CAST: variants seen among roughly 807,000 people sequenced by gnomAD.
CAST encodes the protein MIR583 host.
CAST carries 76 observed loss-of-function variants against 119.6 expected under a neutral mutation model. That is an observed-to-expected ratio of 0.64 (90% confidence interval 0.53 to 0.77). The LOEUF is 0.77. Ranked by LOEUF, CAST falls within the 30% of genes least tolerant of loss-of-function variation. The probability of loss-of-function intolerance (pLI) is 0.00; values close to 1 mark genes in which losing one functional copy is unlikely to be tolerated. For missense variants in CAST, 953 were observed against 946.5 expected, an observed-to-expected ratio of 1.01 and a Z score of -0.09; for synonymous variants, 319 against 331.6, an observed-to-expected ratio of 0.96 and a Z score of 0.41.
chr5:96,762,983 C>T, intron 25 of CAST: 1 of 606,020 alleles, frequency 1.7e-6, no homozygotes, highest in East Asian at 2.8e-5. Context: ...GACTAATCAC[C>T]TGTGCAATAC....
chr5:96,620,101 C>T (rs1672888833), intron 1 of CAST, among the ~76,000 whole-genome samples: 1 of 152,194 alleles, frequency 6.6e-6, no homozygotes, highest in African/African-American at 2.4e-5. Flanking sequence ...ATTACTGCTG[C>T]TGTTATGACC....
intron 24 of CAST, 24 bp from the exon 25 acceptor site, chr5:96,762,250 T>G (rs1448705406): frequency 6.7e-7 from 1 of 1,500,966 alleles, no homozygotes; most frequent in Non-Finnish European, 9.2e-7. Context: ...AACATGTTAC[T>G]AATAAAATTT....
the CAST span, among the ~76,000 whole-genome samples, chr5:96,039,617 T>C: frequency 6.6e-6 from 1 of 152,232 alleles, no homozygotes; most frequent in Non-Finnish European, 1.5e-5. Context: ...CAACACCATT[T>C]ATTAAACAGG....
chr5:96,589,604 G>T (rs367947014), intron 1 of CAST, among the ~76,000 whole-genome samples: 69 of 152,240 alleles, frequency 4.5e-4, no homozygotes, highest in African/African-American at 1.6e-3. Flanking sequence ...CATTGACAGA[G>T]AAACAGTAAT....
At chr5:96,725,600 A>T (rs1308178639) in intron 4 of CAST, among the ~76,000 whole-genome samples, 1 of 152,174 alleles carries the variant, frequency 6.6e-6, no homozygotes. Context: ...GGTCATCATT[A>T]TTATATTCAG....
the CAST span, among the ~76,000 whole-genome samples, chr5:96,249,676 C>T: frequency 3.3e-5 from 5 of 152,166 alleles, no homozygotes; most frequent in Non-Finnish European, 5.9e-5. Flanking sequence ...CTAGATTAAA[C>T]ACAATAAACA....
the CAST span, among the ~76,000 whole-genome samples, chr5:96,140,073 A>G: frequency 1.3e-5 from 2 of 152,196 alleles, no homozygotes; most frequent in Admixed American, 1.3e-4. Context: ...GAAGTTGATG[A>G]TGGCTGTTCT....
the CAST span, among the ~76,000 whole-genome samples, chr5:96,478,611 A>G: frequency 6.6e-6 from 1 of 152,246 alleles, no homozygotes; most frequent in Non-Finnish European, 1.5e-5. Context: ...GGTGGTGCTT[A>G]ATATACCTAT....
chr5:96,063,577 T>C, the CAST span, among the ~76,000 whole-genome samples: 1 of 152,182 alleles, frequency 6.6e-6, no homozygotes, highest in Non-Finnish European at 1.5e-5. Context: ...GAAGTCATAC[T>C]GTTTCTTAGT....
chr5:95,973,576 A>C, the CAST span: 10 of 152,174 alleles, frequency 6.6e-5, no homozygotes, highest in African/African-American at 2.2e-4. Context: ...CTATTTGTTA[A>C]AAAGACAATC....
At chr5:96,049,823 G>A in the CAST span, among the ~76,000 whole-genome samples, 1 of 123,952 alleles carries the variant, frequency 8.1e-6, no homozygotes, top group African/African-American at 3.0e-5. Flanking sequence ...TGTGCTCAGA[G>A]TAATGAACAG....
chr5:96,425,429 A>G, the CAST span, among the ~76,000 whole-genome samples: 1 of 152,222 alleles, frequency 6.6e-6, no homozygotes, highest in Non-Finnish European at 1.5e-5. Context: ...AGGGTTGTAT[A>G]TGCCAAATTA....
At chr5:96,643,077 C>T (rs1473168767) in intron 1 of CAST, among the ~76,000 whole-genome samples, 1 of 152,178 alleles carries the variant, frequency 6.6e-6, no homozygotes, top group East Asian at 1.9e-4. Context: ...CTCTTAACCA[C>T]TACTCTATAT....
At chr5:96,707,869 A>C (rs1024116177) in intron 3 of CAST, among the ~76,000 whole-genome samples, 1 of 152,160 alleles carries the variant, frequency 6.6e-6, no homozygotes, top group Non-Finnish European at 1.5e-5. Context: ...TGCCGGGGAA[A>C]GTGTGAGCTA....
At chr5:96,495,202 C>T in the CAST span, among the ~76,000 whole-genome samples, 3 of 150,686 alleles carry the variant, frequency 2.0e-5, no homozygotes, top group Non-Finnish European at 4.4e-5. Context: ...ATTTAGCAGA[C>T]TTGTTAAAAT....
chr5:95,963,725 C>CTTTTTTTTTTTTTTTTTTTT, the CAST span, among the ~76,000 whole-genome samples: 16 of 129,976 alleles, frequency 1.2e-4, no homozygotes, highest in African/African-American at 3.3e-4. Context: ...TTCTCTCTCT[C>CTTTTTTTTTTTTTTTTTTTT]TTTTTTTTTT....
At chr5:96,553,395 T>C (rs1746174163) in intron 1 of CAST, among the ~76,000 whole-genome samples, 2 of 152,220 alleles carry the variant, frequency 1.3e-5, no homozygotes. Flanking sequence ...AAACTAGTTA[T>C]TGATGGAACA....
At chr5:96,352,206 G>A in the CAST span, among the ~76,000 whole-genome samples, 35 of 152,152 alleles carry the variant, frequency 2.3e-4, no homozygotes, top group Non-Finnish European at 3.1e-4. Context: ...AATTTGTTTT[G>A]TGTCTCTTTT....
the CAST span, chr5:96,393,102 A>G: frequency 1.2e-6 from 2 of 1,614,080 alleles, no homozygotes; most frequent in South Asian, 2.2e-5. Context: ...TAGTCATTAT[A>G]CAGACTGTCT....
Sources: gnomAD v4.1 joint callset for allele counts (sites outside exome capture counted in the v4.1 genomes callset) on GRCh38, gnomAD v4.1.1 for gene constraint, MANE v1.5 for transcripts, NCBI Gene and HGNC (gene_info 2026-07-23, HGNC 2026-07-21) for gene names.